The following CRYL1 variants were observed in gnomAD, a reference collection of about 807,000 sequenced individuals.
The protein encoded by CRYL1 is lambda-crystallin homolog.
CRYL1 carries 29 observed loss-of-function variants against 36.6 expected under a neutral mutation model. The observed-to-expected ratio is 0.79, with a 90% CI of 0.59 to 1.08. The LOEUF (loss-of-function observed/expected upper bound fraction) is 1.08, where lower values mean the gene tolerates loss of function less well. Ranked by LOEUF, CRYL1 falls within the 50% of genes least tolerant of loss-of-function variation. The probability of loss-of-function intolerance (pLI) is 0.00; values close to 1 mark genes in which losing one functional copy is unlikely to be tolerated. For missense variants in CRYL1, 411 were observed against 407.9 expected (o/e 1.01, Z -0.06); for synonymous variants, 152 against 151.5 (o/e 1.00, Z -0.02).
At chr13:20,449,812 G>A (rs553217146) in intron 3 of CRYL1, among the ~76,000 whole-genome samples, 2 of 152,094 alleles carry the variant, frequency 1.3e-5, no homozygotes, top group Non-Finnish European at 2.9e-5. Flanking sequence ...TTCAAGCTGA[G>A]AGCCAAATTA....
chr13:20,493,617 G>A (rs959641533), intron 2 of CRYL1, among the ~76,000 whole-genome samples: 8 of 152,116 alleles, frequency 5.3e-5, no homozygotes, highest in Non-Finnish European at 4.4e-5. Context: ...CCGAGATCAC[G>A]CCACTGCACT....
chr13:20,413,480 C>CA lies in CRYL1; in HGVS notation c.634-94dup, dbSNP rs146695972. On this transcript the variant is annotated intron_variant, in intron 5 of 7. Transcript: ENST00000298248. ...TCCTAACTTCTTTAGAGCAGGATCCCAAAATCTTCTCCAAAGCACTATACA... is the reference window on the plus strand; with the variant it reads ...TCCTAACTTCTTTAGAGCAGGATCCCAAAAATCTTCTCCAAAGCACTATACA... 2.0e-3 allele frequency: 1,464 copies of CA among 747,138 alleles called. 14 individuals are homozygous for CA. The African/African-American group carries it at 0.023, about 12-fold the overall frequency. 46.3% of individuals were successfully genotyped at this position (747,138 alleles called of 1,614,324 possible).
chr13:20,512,318 T>C (rs1241476669), intron 2 of CRYL1, 125 bp downstream of exon 2: 11 of 682,158 alleles, frequency 1.6e-5, no homozygotes, highest in Non-Finnish European at 2.8e-5. Context: ...TCAGAGGCAC[T>C]GCAGTAGCCA....
intron 6 of CRYL1, 58 bp from the exon 7 acceptor site, chr13:20,404,799 T>A: frequency 2.5e-6 from 3 of 1,213,166 alleles, no homozygotes; most frequent in South Asian, 2.5e-5. Context: ...CTTAGTTATA[T>A]TCAAACTCAG....
intron 3 of CRYL1, among the ~76,000 whole-genome samples, chr13:20,467,239 C>T (rs910847610): frequency 6.6e-6 from 1 of 152,014 alleles, no homozygotes; most frequent in South Asian, 2.1e-4. Flanking sequence ...AAGCCACCAC[C>T]CCCGGCCCAT....
chr13:20,454,419 GTT>G (rs59272530), intron 3 of CRYL1, among the ~76,000 whole-genome samples: 5,725 of 133,960 alleles, frequency 0.043, 344 homozygotes, highest in African/African-American at 0.15. Flanking sequence ...ATTCGTGTTT[GTT>G]TTTTTTTTTT....
chr13:20,436,217 G>T (rs1459117453), intron 4 of CRYL1, among the ~76,000 whole-genome samples: 1 of 152,140 alleles, frequency 6.6e-6, no homozygotes, highest in Non-Finnish European at 1.5e-5. Context: ...TCCCAAGCAG[G>T]CCTGTCCATA....
chr13:20,429,941 G>A (rs73160854), intron 5 of CRYL1, among the ~76,000 whole-genome samples: 2,797 of 152,254 alleles, frequency 0.018, 233 homozygotes, highest in Admixed American at 0.15. Context: ...GCTGGCCAAC[G>A]GAGGTGCTGC....
At chr13:20,456,170 A>T (rs374926333) in intron 3 of CRYL1, among the ~76,000 whole-genome samples, 6 of 152,174 alleles carry the variant, frequency 3.9e-5, no homozygotes, top group East Asian at 1.9e-4. Context: ...GTTAGGCAAA[A>T]AATTTTAAGA....
At chr13:20,429,492 C>T (rs759120019) in intron 5 of CRYL1, among the ~76,000 whole-genome samples, 4 of 152,212 alleles carry the variant, frequency 2.6e-5, no homozygotes, top group African/African-American at 2.4e-5. Flanking sequence ...GCATGGAAAC[C>T]GGCCACAGCA....
intron 2 of CRYL1, among the ~76,000 whole-genome samples, chr13:20,507,855 T>C (rs368191620): frequency 6.6e-6 from 1 of 151,144 alleles, no homozygotes; most frequent in South Asian, 2.1e-4. Flanking sequence ...GAGGCGGAGC[T>C]TGCAGTGAGC....
At chr13:20,466,857 C>T (rs1471342071) in intron 3 of CRYL1, among the ~76,000 whole-genome samples, 3 of 152,248 alleles carry the variant, frequency 2.0e-5, no homozygotes, top group South Asian at 4.1e-4. Context: ...ATTTATACAT[C>T]CGTCAACAGG....
intron 5 of CRYL1, among the ~76,000 whole-genome samples, chr13:20,423,351 A>C (rs778097983): frequency 6.6e-6 from 1 of 152,222 alleles, no homozygotes; most frequent in African/African-American, 2.4e-5. Flanking sequence ...TCCTAATCTT[A>C]GAAGAAAAGC....
chr13:20,520,253 T>C (rs902657453), intron 1 of CRYL1, among the ~76,000 whole-genome samples: 14 of 152,202 alleles, frequency 9.2e-5, no homozygotes, highest in African/African-American at 3.4e-4. Context: ...AGGAGCAATG[T>C]GGCAATTACC....
chr13:20,469,098 A>G (rs1326466129), intron 3 of CRYL1, among the ~76,000 whole-genome samples: 2 of 152,192 alleles, frequency 1.3e-5, no homozygotes, highest in Non-Finnish European at 2.9e-5. Context: ...TCTACCATAG[A>G]TACGACCAAC....
intron 2 of CRYL1, among the ~76,000 whole-genome samples, chr13:20,497,712 ACAC>A (rs2033636922): frequency 6.6e-6 from 1 of 150,588 alleles, no homozygotes; most frequent in Non-Finnish European, 1.5e-5. Flanking sequence ...TGCCCTACAC[ACAC>A]CACACAAACA....
At chr13:20,410,003 T>C (rs2031476798) in intron 6 of CRYL1, among the ~76,000 whole-genome samples, 1 of 151,726 alleles carries the variant, frequency 6.6e-6, no homozygotes, top group African/African-American at 2.4e-5. Flanking sequence ...GAACTAGAAA[T>C]ACCATTTGAC....
At chr13:20,507,114 C>T (rs759404319) in intron 2 of CRYL1, among the ~76,000 whole-genome samples, 42 of 152,186 alleles carry the variant, frequency 2.8e-4, no homozygotes, top group Non-Finnish European at 4.7e-4. Context: ...CCTCCCCAGC[C>T]GCGTGAACTA....
At chr13:20,459,718 T>C (rs1168884579) in intron 3 of CRYL1, among the ~76,000 whole-genome samples, 1 of 151,822 alleles carries the variant, frequency 6.6e-6, no homozygotes, top group African/African-American at 2.4e-5. Context: ...GGGAGGAGGG[T>C]GAGGACTGAA....
Sources: allele counts gnomAD v4.1 joint callset (sites outside exome capture counted in the v4.1 genomes callset), GRCh38; gene constraint gnomAD v4.1.1; transcripts MANE v1.5; gene names NCBI Gene and HGNC (gene_info 2026-07-23, HGNC 2026-07-21).